ZNF136: variants seen among roughly 807,000 people sequenced by gnomAD.
ZNF136 encodes zinc finger protein 136 (clone pHZ-20).
A neutral mutation model predicts 11.4 loss-of-function variants in ZNF136; 8 were observed. The observed-to-expected ratio is 0.70, with a 90% CI of 0.41 to 1.27. The LOEUF (loss-of-function observed/expected upper bound fraction) is 1.27. ZNF136 is among the 50% of genes most tolerant of loss of function. The probability of loss-of-function intolerance (pLI) is 0.01; values close to 1 mark genes in which losing one functional copy is unlikely to be tolerated. For missense variants in ZNF136, 590 were observed against 656.5 expected, an observed-to-expected ratio of 0.90 and a Z score of 1.11; for synonymous variants, 190 against 207.1, an observed-to-expected ratio of 0.92 and a Z score of 0.71.
intron 1 of ZNF136, among the ~76,000 whole-genome samples, chr19:12,176,197 GGAGGTTAAGAGACACCCC>G (rs1180365792): frequency 6.6e-6 from 1 of 152,102 alleles, no homozygotes; most frequent in Non-Finnish European, 1.5e-5. Flanking sequence ...CCTTTGGTCT[GGAGGTTAAGAGACACCCC>G]TGTGCCACAT....
chr19:12,173,380 C>A (rs1357920503), intron 1 of ZNF136, among the ~76,000 whole-genome samples: 1 of 152,108 alleles, frequency 6.6e-6, no homozygotes, highest in Non-Finnish European at 1.5e-5. Flanking sequence ...AAACGCCATG[C>A]TTTTATCATT....
intron 1 of ZNF136, among the ~76,000 whole-genome samples, chr19:12,180,597 C>T (rs1914915015): frequency 6.6e-6 from 1 of 152,240 alleles, no homozygotes. Context: ...GTGGCAACAT[C>T]AGTGAGTGAA....
rs778160845 is a variant in ZNF136, at chr19:12,186,763, C to A, written c.385C>A (p.Pro129Thr). 1 of 1,614,020 alleles carries A rather than the reference C, an allele frequency of 6.2e-7. No homozygotes were observed. Among genetic ancestry groups the A allele is most frequent in the Admixed American group, 1.7e-5 (1 of 60,000 alleles). The change falls in exon 4 of 4, where the codon CCA (proline) becomes ACA (threonine). Residue 129 changes from proline (P) to threonine (T), a missense_variant. Coordinates refer to ENST00000343979, the MANE Select transcript of ZNF136 (RefSeq NM_003437.5). ...CATCAAAGATCACAGTGGACATGAA[C>A]CAAAGGAATATCAGGAATATGGAGA... is the stretch of plus-strand genomic sequence containing the variant. ...RHIKDHSGHE[P>T]KEYQEYGEKP...
At chr19:12,180,156 G>A (rs1454807613) in intron 1 of ZNF136, among the ~76,000 whole-genome samples, 2 of 152,074 alleles carry the variant, frequency 1.3e-5, no homozygotes, top group Non-Finnish European at 2.9e-5. Flanking sequence ...GTGAGCCACC[G>A]CCCCCGGCCA....
intron 1 of ZNF136, among the ~76,000 whole-genome samples, chr19:12,175,994 T>C (rs1914780860): frequency 6.6e-6 from 1 of 152,232 alleles, no homozygotes; most frequent in South Asian, 2.1e-4. Flanking sequence ...GCATTTAAGG[T>C]TCTTCCACTA....
Position 12,187,358 on chromosome 19 carries a change from A to G in ZNF136, c.980A>G (p.Glu327Gly). The change falls in exon 4 of 4, where the codon GAA becomes GGA. Residue 327 changes from glutamate to glycine, a missense_variant. Glu to Gly is a moderately conservative substitution (Grantham distance 98, BLOSUM62 -2). Transcript: ENST00000343979. Reference protein sequence around the residue: ...FSYLPSLRLHERIHTGEKPFV... With the variant: ...FSYLPSLRLHGRIHTGEKPFV... ...TATCTCCCCTCCCTTCGACTACATGAAAGAATTCACACTGGTGAGAAACCC... is the reference window on the plus strand; with the variant it reads ...TATCTCCCCTCCCTTCGACTACATGGAAGAATTCACACTGGTGAGAAACCC... 1 of 1,614,138 alleles carries G rather than the reference A, an allele frequency of 6.2e-7. No homozygotes were observed. The highest frequency in any genetic ancestry group is 8.5e-7 in the Non-Finnish European group (1 of 1,180,004).
At position 12,164,439 on chromosome 19, in the gene ZNF136, C is replaced by CTTTTTTTTT. The variant is rs61233117; in HGVS notation, c.3+1248_3+1256dup. On this transcript the variant is annotated intron_variant, in intron 1 of 3. Coordinates refer to ENST00000343979, the MANE Select transcript of ZNF136 (RefSeq NM_003437.5). ...GTTTTGCGCCACCACTCCCAGATAA[C>CTTTTTTTTT]TTTTTTTTTTTTTTTTTTTTTTTGA... Among the ~76,000 whole-genome samples, 43 of 122,846 alleles carry CTTTTTTTTT rather than the reference C, an allele frequency of 3.5e-4. No individual in the cohort carries two copies. In the East Asian group the frequency reaches 8.4e-3, roughly 24 times the overall value. 80.6% of individuals were successfully genotyped at this position (122,846 alleles called of 152,430 possible).
rs572351289 is a variant in ZNF136, at chr19:12,172,943, C to G, written c.3+9737C>G. Among the ~76,000 whole-genome samples the G allele has an allele frequency of 7.7e-4, 117 of 152,152 alleles. 1 individual carries two copies. Among genetic ancestry groups the G allele is most frequent in the Non-Finnish European group, 6.0e-4 (41 of 67,998 alleles). On this transcript the variant is annotated intron_variant, in intron 1 of 3. Coordinates refer to ENST00000343979, the MANE Select transcript of ZNF136 (RefSeq NM_003437.5). ...CAGAGAATCACTTTAACCAGGGAGT[C>G]GGAGGTTGCAGTGAGCCGAGATTGC...
intron 1 of ZNF136, among the ~76,000 whole-genome samples, chr19:12,163,408 G>A: frequency 6.6e-6 from 1 of 152,200 alleles, no homozygotes; most frequent in Non-Finnish European, 1.5e-5. Context: ...TCCTCGTCCC[G>A]CCCTGTGCCG....
chr19:12,171,086 T>C (rs996980157), intron 1 of ZNF136, among the ~76,000 whole-genome samples: 5 of 151,746 alleles, frequency 3.3e-5, no homozygotes, highest in African/African-American at 1.2e-4. Flanking sequence ...CTGCTTACCT[T>C]GGCCTCCCAA....
At chr19:12,173,536 A>C (rs763584561) in intron 1 of ZNF136, among the ~76,000 whole-genome samples, 2 of 152,168 alleles carry the variant, frequency 1.3e-5, no homozygotes, top group Non-Finnish European at 2.9e-5. Flanking sequence ...CTGTAACTCT[A>C]CCGGAATGGA....
In ZNF136 at chr19:12,187,320, G is replaced by A. The variant is rs994745099; in HGVS notation, c.942G>A (p.Gly314=). The A allele has an allele frequency of 3.1e-6, 5 of 1,613,866 alleles. No homozygotes were observed. The highest frequency in any genetic ancestry group is 4.2e-6 in the Non-Finnish European group (5 of 1,179,994). Residue 314 remains glycine, a synonymous_variant, in exon 4 of 4, where the codon GGG becomes GGA. Coordinates refer to ENST00000343979, the MANE Select transcript of ZNF136 (RefSeq NM_003437.5). ...GEKPYECKQC[G]KAFSYLPSLR... The stretch of plus-strand genomic sequence containing the variant: ...AACCTTATGAATGCAAGCAGTGTGG[G>A]AAGGCCTTCAGTTATCTCCCCTCCC...
chr19:12,174,642 C>T (rs892837416), intron 1 of ZNF136, among the ~76,000 whole-genome samples: 1 of 147,394 alleles, frequency 6.8e-6, no homozygotes, highest in African/African-American at 2.5e-5. Context: ...TTCTTTCTTT[C>T]TTTTTTTTTT....
At position 12,186,884 on chromosome 19, in the gene ZNF136, A is replaced by AT. The variant is rs1427790810; in HGVS notation, c.508dup (p.Cys170LeufsTer2). ...ATTCACACTGGAGAGAAACTCTATGATTGTAAGGAATGTGGAAAAACCTTC... is the reference window on the plus strand; with the variant it reads ...ATTCACACTGGAGAGAAACTCTATGATTTGTAAGGAATGTGGAAAAACCTTC... On this transcript the variant is annotated frameshift_variant, in exon 4 of 4. Transcript: ENST00000343979. LOFTEE classifies it low-confidence loss of function (END_TRUNC). 3 of 1,613,946 alleles carry AT rather than the reference A, an allele frequency of 1.9e-6. No homozygotes were observed. The highest frequency in any genetic ancestry group is 1.1e-5 in the South Asian group (1 of 91,058).
rs1469569074 is a variant in ZNF136 at position 12,186,475 on chromosome 19, A to G, written c.192-95A>G. 5.4e-6 allele frequency: 6 copies of G among 1,107,828 alleles called. No homozygotes were observed. In the African/African-American group the frequency reaches 6.3e-5, roughly 12 times the overall value. The allele number at this position is 1,107,828 out of a possible 1,614,324, so 68.6% of individuals were successfully genotyped here. A position where few individuals can be genotyped will look rare whatever the true frequency, so the allele number is the denominator to read the frequency against. On this transcript the variant is annotated intron_variant, in intron 3 of 3. Transcript: ENST00000343979. Reference sequence around the variant, plus strand: ...ACAAATCAGACTTGGCATCGAGTCTACGCTTTACCTGATAATATTGAAAAT... The same window carrying G: ...ACAAATCAGACTTGGCATCGAGTCTGCGCTTTACCTGATAATATTGAAAAT...
chr19:12,175,638 T>C (rs532978370), intron 1 of ZNF136, among the ~76,000 whole-genome samples: 52 of 152,356 alleles, frequency 3.4e-4, no homozygotes, highest in African/African-American at 1.2e-3. Context: ...TTTGTTACAA[T>C]TGAACCTATT....
chr19:12,183,734 G>T (rs1212851357), intron 1 of ZNF136, among the ~76,000 whole-genome samples: 2 of 152,096 alleles, frequency 1.3e-5, no homozygotes, highest in African/African-American at 4.8e-5. Flanking sequence ...GAGTAGCTGG[G>T]ACTACAGGCG....
chr19:12,169,708 A>G (rs1454997084), intron 1 of ZNF136, among the ~76,000 whole-genome samples: 2 of 151,688 alleles, frequency 1.3e-5, no homozygotes, highest in African/African-American at 2.4e-5. Context: ...TCCCGGGTTC[A>G]TGCGATTCTC....
Position 12,187,242 on chromosome 19 carries a change from C to T in ZNF136, c.864C>T (p.Ala288=). ...KPFKCKQCGK[A]FSCSPTLRIH... is the part of the protein sequence containing the mutation. The stretch of plus-strand genomic sequence containing the variant: ...TTAAATGTAAGCAATGTGGTAAAGC[C>T]TTCAGTTGTTCCCCAACCTTACGAA... Residue 288 remains alanine, a synonymous_variant, in exon 4 of 4, where the codon GCC becomes GCT. Transcript: ENST00000343979. The T allele has an allele frequency of 6.2e-7, 1 of 1,613,608 alleles. No individual in the cohort carries two copies. Among genetic ancestry groups the T allele is most frequent in the African/African-American group, 1.3e-5 (1 of 74,870 alleles).
Sources: allele counts gnomAD v4.1 joint callset (sites outside exome capture counted in the v4.1 genomes callset), GRCh38; gene constraint gnomAD v4.1.1; transcripts MANE v1.5; gene names NCBI Gene and HGNC (gene_info 2026-07-23, HGNC 2026-07-21).